Variants in ASTN2 observed in about 807,000 individuals in gnomAD.
ASTN2 encodes astrotactin-2.
In ASTN2, 54 loss-of-function variants were observed where a neutral mutation model predicts 139.8. That is an observed-to-expected ratio of 0.39 (90% confidence interval 0.31 to 0.48). ASTN2 has a LOEUF of 0.48. Ranked by LOEUF, ASTN2 falls within the 20% of genes least tolerant of loss-of-function variation. ASTN2 has a pLI of 0.95. For missense variants in ASTN2, 1,565 were observed against 1,725.1 expected, an observed-to-expected ratio of 0.91 and a Z score of 1.64; for synonymous variants, 756 against 719.5, an observed-to-expected ratio of 1.05 and a Z score of -0.81.
At chr9:116,755,797 C>T (rs1003908711) in intron 13 of ASTN2, among the ~76,000 whole-genome samples, 1 of 152,202 alleles carries the variant, frequency 6.6e-6, no homozygotes, top group East Asian at 1.9e-4. Flanking sequence ...ATGTATATCC[C>T]TGTAAGTGGG....
chr9:116,607,702 C>T (rs1294123838), intron 19 of ASTN2, among the ~76,000 whole-genome samples: 1 of 151,242 alleles, frequency 6.6e-6, no homozygotes, highest in Non-Finnish European at 1.5e-5. Flanking sequence ...CACACACACA[C>T]ACACACACAC....
rs116015050 is a variant in ASTN2 at position 116,831,831 on chromosome 9, A to G, written c.2041-11048T>C. Among the ~76,000 whole-genome samples the G allele has an allele frequency of 7.9e-3, 1,197 of 152,290 alleles. 16 individuals are homozygous for G. The highest frequency in any genetic ancestry group is 0.028 in the African/African-American group (1,157 of 41,564). ...ATGCCGAGGTTTTGATAGGAATTAT[A>G]TTAAACCTTTATATCAATTCGAGGC... On this transcript the variant is annotated intron_variant, in intron 11 of 22. Coordinates refer to ENST00000313400, the MANE Select transcript of ASTN2 (RefSeq NM_001365068.1).
intron 2 of ASTN2, 129 bp downstream of exon 2, chr9:117,291,196 GT>G: frequency 2.5e-6 from 3 of 1,198,080 alleles, no homozygotes; most frequent in Non-Finnish European, 3.5e-6. Flanking sequence ...CTGATTTTCT[GT>G]TTCTCATTCT....
At chr9:117,319,593 A>T (rs1419892025) in intron 1 of ASTN2, among the ~76,000 whole-genome samples, 1 of 143,352 alleles carries the variant, frequency 7.0e-6, no homozygotes, top group African/African-American at 2.6e-5. Context: ...ATGCCCAGCA[A>T]TTTTTTTTTT....
At chr9:117,272,406 C>A (rs1298900762) in intron 2 of ASTN2, among the ~76,000 whole-genome samples, 1 of 152,230 alleles carries the variant, frequency 6.6e-6, no homozygotes, top group Non-Finnish European at 1.5e-5. Flanking sequence ...CTGTGAAGGT[C>A]TCTGGCATGT....
At chr9:116,908,575 C>G (rs1319596649) in intron 10 of ASTN2, among the ~76,000 whole-genome samples, 1 of 152,162 alleles carries the variant, frequency 6.6e-6, no homozygotes, top group African/African-American at 2.4e-5. Context: ...GAAAGTCTCT[C>G]GCAGAGCCAA....
intron 4 of ASTN2, among the ~76,000 whole-genome samples, chr9:117,116,798 G>A (rs1247428143): frequency 8.8e-6 from 1 of 113,598 alleles, no homozygotes; most frequent in African/African-American, 3.4e-5. Context: ...GTGTGTGTGT[G>A]TGTTGATGGG....
intron 19 of ASTN2, among the ~76,000 whole-genome samples, chr9:116,554,367 A>G (rs902095242): frequency 6.6e-6 from 1 of 152,192 alleles, no homozygotes; most frequent in African/African-American, 2.4e-5. Flanking sequence ...TGGTGTCAAG[A>G]GTCTAGTCCT....
chr9:116,964,949 C>A (rs1483363567), intron 10 of ASTN2, among the ~76,000 whole-genome samples: 3 of 152,226 alleles, frequency 2.0e-5, no homozygotes. Context: ...CATGTCTCAG[C>A]AACCAAAGTT....
intron 17 of ASTN2, among the ~76,000 whole-genome samples, chr9:116,624,982 G>A (rs758637164): frequency 9.2e-5 from 14 of 152,154 alleles, no homozygotes; most frequent in Non-Finnish European, 1.5e-4. Flanking sequence ...ATGGAATGCT[G>A]AATAAAACAA....
chr9:116,663,523 AT>A (rs1858684323), intron 16 of ASTN2, among the ~76,000 whole-genome samples: 1 of 152,192 alleles, frequency 6.6e-6, no homozygotes, highest in Non-Finnish European at 1.5e-5. Context: ...ACCTTTAAAC[AT>A]GTTACCAGGC....
chr9:117,341,300 T>TTA (rs1829054862), intron 1 of ASTN2, among the ~76,000 whole-genome samples: 1 of 152,118 alleles, frequency 6.6e-6, no homozygotes, highest in Non-Finnish European at 1.5e-5. Context: ...CATGGGTACT[T>TTA]TATTCACTGA....
At chr9:116,994,197 G>A (rs1175218801) in intron 7 of ASTN2, among the ~76,000 whole-genome samples, 2 of 152,094 alleles carry the variant, frequency 1.3e-5, no homozygotes, top group Admixed American at 6.6e-5. Context: ...ACAAGCCATA[G>A]GGTTGTGACT....
intron 3 of ASTN2, among the ~76,000 whole-genome samples, chr9:117,199,847 C>A (rs950341656): frequency 6.6e-6 from 1 of 151,990 alleles, no homozygotes; most frequent in African/African-American, 2.4e-5. Context: ...TCCTTCACAT[C>A]CCTTCTTAGC....
chr9:117,057,726 G>A (rs1184355162), intron 5 of ASTN2, among the ~76,000 whole-genome samples: 1 of 152,158 alleles, frequency 6.6e-6, no homozygotes, highest in Non-Finnish European at 1.5e-5. Flanking sequence ...TATTAGCCAT[G>A]TTGCTGCCTT....
chr9:116,507,412 TC>T (rs1850158941), intron 19 of ASTN2, among the ~76,000 whole-genome samples: 1 of 151,502 alleles, frequency 6.6e-6, no homozygotes, highest in Admixed American at 6.6e-5. Flanking sequence ...AAAAACAGAG[TC>T]CAATTAGAAT....
intron 13 of ASTN2, among the ~76,000 whole-genome samples, chr9:116,737,465 GAA>G (rs148225378): frequency 5.3e-4 from 54 of 101,284 alleles, no homozygotes; most frequent in Non-Finnish European, 1.0e-4. Context: ...GTGTGTGTGT[GAA>G]TGTGTGTGTG....
intron 10 of ASTN2, among the ~76,000 whole-genome samples, chr9:116,883,146 G>A (rs138063728): frequency 1.2e-4 from 19 of 152,294 alleles, no homozygotes; most frequent in African/African-American, 4.6e-4. Flanking sequence ...ATATCTAACA[G>A]TGAGGAAATG....
chr9:116,889,793 T>G (rs1833716285), intron 10 of ASTN2, among the ~76,000 whole-genome samples: 1 of 150,946 alleles, frequency 6.6e-6, no homozygotes, highest in Non-Finnish European at 1.5e-5. Context: ...TAGCCAGATG[T>G]GGTGGCACAT....
Sources: gnomAD v4.1 joint callset for allele counts (sites outside exome capture counted in the v4.1 genomes callset) on GRCh38, gnomAD v4.1.1 for gene constraint, MANE v1.5 for transcripts, NCBI Gene and HGNC (gene_info 2026-07-23, HGNC 2026-07-21) for gene names.